Variants in GLB1 observed in about 807,000 individuals in gnomAD.
The protein encoded by GLB1 is beta-galactosidase.
In GLB1, 56 loss-of-function variants were observed where a neutral mutation model predicts 74.0. The observed-to-expected ratio is 0.76, with a 90% confidence interval of 0.61 to 0.94. The LOEUF (loss-of-function observed/expected upper bound fraction) is 0.94. Ranked by LOEUF, GLB1 falls within the 40% of genes least tolerant of loss-of-function variation. The pLI, the probability that GLB1 is intolerant of heterozygous loss-of-function variation, is 0.00. For missense variants in GLB1, 787 were observed against 845.5 expected (o/e 0.93, Z 0.86); for synonymous variants, 323 against 323.6 (o/e 1.00, Z 0.02).
chr3:33,090,493 C>G (rs75638506), intron 1 of GLB1: 181 of 985,180 alleles, frequency 1.8e-4, no homozygotes, highest in Non-Finnish European at 2.1e-4. Context: ...GACACTATTG[C>G]TGATTTTCAA....
intron 9 of GLB1, among the ~76,000 whole-genome samples, chr3:33,049,190 A>G (rs1241261691): frequency 6.6e-6 from 1 of 152,220 alleles, no homozygotes; most frequent in Non-Finnish European, 1.5e-5. Context: ...GGGAATCCCC[A>G]TCTACTAAGT....
chr3:33,090,936 A>T, intron 1 of GLB1: 1 of 985,414 alleles, frequency 1.0e-6, no homozygotes, highest in Non-Finnish European at 1.2e-6. Flanking sequence ...TAAAAAAAAA[A>T]TAGGACTTAA....
At chr3:33,032,850 T>C (rs1000849946) in intron 10 of GLB1, among the ~76,000 whole-genome samples, 1 of 152,230 alleles carries the variant, frequency 6.6e-6, no homozygotes, top group African/African-American at 2.4e-5. Flanking sequence ...AGCATGTTCA[T>C]AGTGTCATAT....
At chr3:32,983,688 A>T in the GLB1 span, among the ~76,000 whole-genome samples, 1 of 150,782 alleles carries the variant, frequency 6.6e-6, no homozygotes, top group African/African-American at 2.5e-5. Flanking sequence ...AATAATTCTT[A>T]TTGTTTTTGA....
chr3:33,021,095 G>GAA (rs10596366), intron 12 of GLB1, among the ~76,000 whole-genome samples: 8 of 125,240 alleles, frequency 6.4e-5, no homozygotes, highest in South Asian at 2.5e-4. Flanking sequence ...TACAAACACT[G>GAA]AAAAAAAAAA....
At chr3:33,004,721 C>T (rs1405790704) in intron 15 of GLB1, among the ~76,000 whole-genome samples, 4 of 152,170 alleles carry the variant, frequency 2.6e-5, no homozygotes, top group African/African-American at 4.8e-5. Context: ...GAAGCTGGAC[C>T]GCCCTCCCTC....
At chr3:33,049,544 G>A (rs1215745830) in intron 9 of GLB1, among the ~76,000 whole-genome samples, 1 of 152,100 alleles carries the variant, frequency 6.6e-6, no homozygotes, top group African/African-American at 2.4e-5. Flanking sequence ...AGTCTCCCGA[G>A]TAGCTGGGAT....
chr3:33,023,716 T>C (rs933673947), intron 11 of GLB1, among the ~76,000 whole-genome samples: 1 of 152,304 alleles, frequency 6.6e-6, no homozygotes, highest in African/African-American at 2.4e-5. Flanking sequence ...CTAGAATACA[T>C]TGCCCTTAAC....
chr3:33,034,651 G>T lies in GLB1; in HGVS notation c.1069-10326C>A. ...ATGATGTCATGTAGCATGCGGGCAG[G>T]TCCATCACAGCCAACATATTGGCCA... On this transcript the variant is annotated intron_variant, in intron 10 of 15. Transcript: ENST00000307363. 3 of 729,796 alleles carry T rather than the reference G, an allele frequency of 4.1e-6. No individual in the cohort carries two copies. The South Asian group carries it at 4.2e-5, about 10-fold the overall frequency. The allele number at this position is 729,796 out of a possible 1,614,324, so 45.2% of individuals were successfully genotyped here. A position where few individuals can be genotyped will look rare whatever the true frequency, so the allele number is the denominator to read the frequency against.
intron 1 of GLB1, chr3:33,092,206 G>C (rs1457264326): frequency 5.1e-6 from 5 of 985,668 alleles, no homozygotes; most frequent in Admixed American, 1.2e-4. Flanking sequence ...CAGTTAAATA[G>C]CATCCCTCAA....
rs988898228 is a variant in GLB1 at position 33,093,054 on chromosome 3, C to T, written c.75+3957G>A. 22 of 1,614,018 alleles carry T rather than the reference C, an allele frequency of 1.4e-5. No homozygotes were observed. The highest frequency in any genetic ancestry group is 1.7e-5 in the Non-Finnish European group (20 of 1,180,026). On this transcript the variant is annotated intron_variant, in intron 1 of 15. Transcript: ENST00000307363. The surrounding 1 kb of genome is among the most constrained non-coding windows in gnomAD (Gnocchi z 6.0). ...AGAAAGGATCAGGTTAATATCTGGC[C>T]GAGCCTGGAGAGCTCTCTTGGCAGC...
chr3:33,077,044 C>A, intron 1 of GLB1: 3 of 1,291,526 alleles, frequency 2.3e-6, no homozygotes, highest in South Asian at 1.3e-5. Context: ...GGGAACATGG[C>A]GAGACCCTGT....
chr3:33,026,920 T>C (rs893368384), intron 10 of GLB1, among the ~76,000 whole-genome samples: 2 of 152,184 alleles, frequency 1.3e-5, no homozygotes, highest in African/African-American at 4.8e-5. Context: ...TTGCTCACCC[T>C]CCACTTGTCT....
chr3:32,979,151 T>G, the GLB1 span, among the ~76,000 whole-genome samples: 1 of 151,970 alleles, frequency 6.6e-6, no homozygotes, highest in Non-Finnish European at 1.5e-5. Flanking sequence ...TAATTTTGTA[T>G]TTTTAGTAGA....
At chr3:32,989,738 A>G in the GLB1 span, among the ~76,000 whole-genome samples, 1 of 152,240 alleles carries the variant, frequency 6.6e-6, no homozygotes, top group Non-Finnish European at 1.5e-5. Context: ...GGCAATCTGC[A>G]TAGTAAGAAG....
intron 9 of GLB1, 139 bp downstream of exon 9, chr3:33,051,619 A>G: frequency 1.7e-6 from 2 of 1,165,286 alleles, no homozygotes; most frequent in Non-Finnish European, 2.4e-6. Flanking sequence ...AAAAAAAAAA[A>G]GAAAAAGAAA....
the GLB1 span, among the ~76,000 whole-genome samples, chr3:32,962,203 AGAG>A: frequency 2.8e-5 from 4 of 145,002 alleles, no homozygotes; most frequent in Non-Finnish European, 6.1e-5. Flanking sequence ...TAAAAAAAAA[AGAG>A]AGTCTGAGAA....
intron 15 of GLB1, among the ~76,000 whole-genome samples, chr3:33,009,117 C>T (rs1410645441): frequency 1.3e-5 from 1 of 76,830 alleles, no homozygotes; most frequent in South Asian, 4.5e-4. Context: ...GAAACTCCAT[C>T]TTAAAAAATA....
intron 1 of GLB1, among the ~76,000 whole-genome samples, chr3:33,095,081 G>A (rs966675296): frequency 6.6e-6 from 1 of 151,948 alleles, no homozygotes; most frequent in Non-Finnish European, 1.5e-5. Context: ...CATGGTGGTG[G>A]ATGCATGTAA....
Sources: gnomAD v4.1 joint callset for allele counts (sites outside exome capture counted in the v4.1 genomes callset) on GRCh38, gnomAD v4.1.1 for gene constraint, Gnocchi (gnomAD v3.1) non-coding constraint, MANE v1.5 for transcripts, NCBI Gene and HGNC (gene_info 2026-07-23, HGNC 2026-07-21) for gene names.